The following SDHC variants were observed in gnomAD, a reference collection of about 807,000 sequenced individuals.
SDHC encodes the protein succinate dehydrogenase cytochrome b560 subunit, mitochondrial.
A neutral mutation model predicts 22.6 loss-of-function variants in SDHC; 11 were observed. The observed-to-expected ratio is 0.49, with a 90% CI of 0.31 to 0.81. The LOEUF (loss-of-function observed/expected upper bound fraction) is 0.81. Ranked by LOEUF, SDHC falls within the 30% of genes least tolerant of loss-of-function variation. The pLI is 0.05. For missense variants in SDHC, 160 were observed against 212.0 expected (o/e 0.75, Z 1.52); for synonymous variants, 80 against 77.8 (o/e 1.03, Z -0.15).
chr1:161,326,134 G>A (rs1233360265), intron 2 of SDHC, among the ~76,000 whole-genome samples: 7 of 151,926 alleles, frequency 4.6e-5, no homozygotes, highest in South Asian at 4.1e-4. Context: ...TCCAGGAGGC[G>A]GAGGTTGCAG....
intron 1 of SDHC, among the ~76,000 whole-genome samples, chr1:161,321,737 A>G (rs1670845987): frequency 6.6e-6 from 1 of 152,158 alleles, no homozygotes; most frequent in South Asian, 2.1e-4. Flanking sequence ...GAAGCTTTTG[A>G]AAAGTTTGTG....
chr1:161,320,630 C>T (rs957397901), intron 1 of SDHC, among the ~76,000 whole-genome samples: 8 of 152,014 alleles, frequency 5.3e-5, no homozygotes, highest in African/African-American at 1.9e-4. Flanking sequence ...ATTCTAAAGA[C>T]CTCGGGGAGA....
intron 3 of SDHC, among the ~76,000 whole-genome samples, chr1:161,330,537 A>G (rs1171336724): frequency 6.6e-6 from 1 of 152,190 alleles, no homozygotes; most frequent in Non-Finnish European, 1.5e-5. Context: ...TTATAGCTCC[A>G]TCCGCTATCC....
chr1:161,343,946 T>A (rs187009101), intron 4 of SDHC, among the ~76,000 whole-genome samples: 1 of 152,254 alleles, frequency 6.6e-6, no homozygotes, highest in Non-Finnish European at 1.5e-5. Context: ...GTGCAGTGAT[T>A]CACACCTGTA....
At chr1:161,348,685 AAATT>A (rs1454631480) in intron 4 of SDHC, among the ~76,000 whole-genome samples, 5 of 8,838 alleles carry the variant, frequency 5.7e-4, no homozygotes, top group Admixed American at 1.5e-3. Context: ...AAAAAAAAAA[AAATT>A]AGCCAGTTGT....
At chr1:161,359,400 A>C (rs1229116960) in intron 5 of SDHC, among the ~76,000 whole-genome samples, 1 of 152,214 alleles carries the variant, frequency 6.6e-6, no homozygotes, top group East Asian at 1.9e-4. Context: ...GTTCAGTTTG[A>C]TTTAAAATGA....
chr1:161,333,165 A>G (rs1207938026), intron 3 of SDHC, among the ~76,000 whole-genome samples: 1 of 152,200 alleles, frequency 6.6e-6, no homozygotes, highest in Admixed American at 6.5e-5. Context: ...AGCATATATC[A>G]GTGCTTCCTT....
intron 4 of SDHC, among the ~76,000 whole-genome samples, chr1:161,347,065 A>G (rs77671418): frequency 0.037 from 5,616 of 152,274 alleles, 112 homozygotes; most frequent in African/African-American, 0.043. Context: ...TGCAGAATCC[A>G]TGGATGCAGA....
intron 3 of SDHC, among the ~76,000 whole-genome samples, chr1:161,337,896 T>C (rs972472796): frequency 1.3e-5 from 2 of 152,238 alleles, no homozygotes; most frequent in African/African-American, 4.8e-5. Context: ...ATATTTGTTC[T>C]GTCTTTTTCA....
At chr1:161,340,145 C>T (rs79823281) in intron 3 of SDHC, among the ~76,000 whole-genome samples, 17,734 of 151,788 alleles carry the variant, frequency 0.12, 1,404 homozygotes, top group African/African-American at 0.22. Flanking sequence ...AAAAATTAGG[C>T]GGACCTGGTG....
chr1:161,343,098 A>T (rs148946269), intron 4 of SDHC, among the ~76,000 whole-genome samples: 148 of 152,328 alleles, frequency 9.7e-4, no homozygotes, highest in Non-Finnish European at 1.2e-3. Flanking sequence ...TTGATGCCAA[A>T]TAGAGCTTTC....
At chr1:161,341,173 C>G (rs1200067832) in intron 4 of SDHC, among the ~76,000 whole-genome samples, 1 of 152,136 alleles carries the variant, frequency 6.6e-6, no homozygotes, top group Non-Finnish European at 1.5e-5. Flanking sequence ...TTAAACCATT[C>G]CCTAGCACTT....
At chr1:161,317,669 C>A (rs545860619) in intron 1 of SDHC, among the ~76,000 whole-genome samples, 17 of 145,082 alleles carry the variant, frequency 1.2e-4, no homozygotes, top group African/African-American at 4.3e-4. Flanking sequence ...TCAAGCGATT[C>A]TCCTGGCTCA....
chr1:161,323,726 C>T (rs988544646), intron 2 of SDHC, 56 bp downstream of exon 2: 77 of 1,354,222 alleles, frequency 5.7e-5, no homozygotes, highest in Admixed American at 1.6e-4. Flanking sequence ...GACGGAGTCT[C>T]GCTCTGTCAC....
chr1:161,348,227 G>T (rs941951226), intron 4 of SDHC, among the ~76,000 whole-genome samples: 2 of 151,714 alleles, frequency 1.3e-5, no homozygotes, highest in African/African-American at 2.4e-5. Flanking sequence ...TGCCATCGTG[G>T]CCCACTGCAC....
intron 5 of SDHC, among the ~76,000 whole-genome samples, chr1:161,361,635 C>T (rs1020616855): frequency 2.0e-5 from 3 of 152,238 alleles, no homozygotes; most frequent in African/African-American, 4.8e-5. Flanking sequence ...ATCAGGAGAT[C>T]AAGACCATCC....
At chr1:161,341,589 C>A (rs1671719622) in intron 4 of SDHC, among the ~76,000 whole-genome samples, 2 of 152,144 alleles carry the variant, frequency 1.3e-5, no homozygotes, top group South Asian at 4.1e-4. Flanking sequence ...AAAATTATGT[C>A]TGGCTGGTGC....
intron 5 of SDHC, 126 bp from the exon 6 acceptor site, chr1:161,362,203 C>A (rs189648269): frequency 8.5e-7 from 1 of 1,173,432 alleles, no homozygotes; most frequent in Non-Finnish European, 1.2e-6. Flanking sequence ...AGGGTAGAAG[C>A]GCTTTTCTCT....
intron 5 of SDHC, among the ~76,000 whole-genome samples, chr1:161,360,155 G>A (rs2102379530): frequency 6.6e-6 from 1 of 151,882 alleles, no homozygotes; most frequent in South Asian, 2.1e-4. Context: ...TGGGAAGTGT[G>A]GAAAATGAAG....
Sources: allele counts gnomAD v4.1 joint callset (sites outside exome capture counted in the v4.1 genomes callset), GRCh38; gene constraint gnomAD v4.1.1; transcripts MANE v1.5; gene names NCBI Gene and HGNC (gene_info 2026-07-23, HGNC 2026-07-21).